NBAS: variants seen among roughly 807,000 people sequenced by gnomAD.
NBAS encodes NBAS subunit of NRZ tethering complex.
In NBAS, 219 loss-of-function variants were observed where a neutral mutation model predicts 302.5. The ratio of observed to expected loss-of-function variants is 0.72; its 90% CI spans 0.65 to 0.81. The LOEUF is 0.81. Ranked by LOEUF, NBAS falls within the 30% of genes least tolerant of loss-of-function variation. The probability of loss-of-function intolerance (pLI) is 0.00; values close to 1 mark genes in which losing one functional copy is unlikely to be tolerated. For synonymous variants in NBAS, 1,118 were observed against 1,021.6 expected (o/e 1.09, Z -1.80); for missense variants, 2,932 against 2,841.6 (o/e 1.03, Z -0.72).
intron 8 of NBAS, among the ~76,000 whole-genome samples, chr2:15,535,523 G>A (rs376695619): frequency 1.0e-5 from 1 of 99,754 alleles, no homozygotes; most frequent in South Asian, 3.2e-4. Context: ...CTCCGTCTCA[G>A]AAATAAATAA....
At chr2:15,116,016 T>A in the NBAS span, among the ~76,000 whole-genome samples, 43,893 of 152,036 alleles carry the variant, frequency 0.29, 6,540 homozygotes, top group South Asian at 0.39. Context: ...ACATCATATA[T>A]CTGCAGAAAA....
At chr2:15,025,321 T>G in the NBAS span, among the ~76,000 whole-genome samples, 1 of 152,226 alleles carries the variant, frequency 6.6e-6, no homozygotes, top group African/African-American at 2.4e-5. Flanking sequence ...TCCATTGGTC[T>G]ATGTGTCTGT....
the NBAS span, among the ~76,000 whole-genome samples, chr2:15,096,745 G>A: frequency 4.6e-5 from 7 of 152,264 alleles, no homozygotes; most frequent in East Asian, 3.9e-4. Context: ...TGTGGCTTAC[G>A]CTGAGGGTTT....
At chr2:15,392,034 TA>T (rs1675633595) in intron 28 of NBAS, among the ~76,000 whole-genome samples, 1 of 149,172 alleles carries the variant, frequency 6.7e-6, no homozygotes, top group Admixed American at 6.7e-5. Flanking sequence ...AAAAAAAAAT[TA>T]AAAGAAGCCT....
intron 47 of NBAS, among the ~76,000 whole-genome samples, chr2:15,224,923 C>T (rs1011895117): frequency 5.3e-5 from 8 of 152,218 alleles, no homozygotes; most frequent in Non-Finnish European, 1.0e-4. Flanking sequence ...TATTTATCAG[C>T]TCCCATGAAA....
chr2:15,183,056 A>C (rs1303232283), intron 50 of NBAS, among the ~76,000 whole-genome samples: 3 of 152,156 alleles, frequency 2.0e-5, no homozygotes, highest in Non-Finnish European at 4.4e-5. Context: ...AGGAAAAAAA[A>C]AATCATAAGT....
intron 46 of NBAS, among the ~76,000 whole-genome samples, chr2:15,233,884 A>G (rs1029056952): frequency 6.6e-6 from 1 of 152,232 alleles, no homozygotes; most frequent in African/African-American, 2.4e-5. Flanking sequence ...TAAAAGGAGA[A>G]TAAATTAAAC....
chr2:15,097,931 T>A, the NBAS span, among the ~76,000 whole-genome samples: 1 of 104,726 alleles, frequency 9.5e-6, no homozygotes, highest in Non-Finnish European at 1.8e-5. Context: ...ATTATATATA[T>A]TACATATATA....
the NBAS span, among the ~76,000 whole-genome samples, chr2:15,155,556 G>A: frequency 6.6e-6 from 1 of 152,232 alleles, no homozygotes; most frequent in East Asian, 1.9e-4. Context: ...GGGAGCTTGG[G>A]TCATCTCCTC....
intron 44 of NBAS, among the ~76,000 whole-genome samples, chr2:15,244,118 C>A (rs982369820): frequency 1.3e-5 from 2 of 152,044 alleles, no homozygotes; most frequent in Non-Finnish European, 2.9e-5. Flanking sequence ...ATATACAGAA[C>A]AATATTTCAA....
chr2:15,209,983 T>C (rs1666333347), intron 48 of NBAS, among the ~76,000 whole-genome samples: 1 of 152,076 alleles, frequency 6.6e-6, no homozygotes, highest in South Asian at 2.1e-4. Flanking sequence ...TCAAAATGGA[T>C]TAAAGACTTA....
chr2:15,445,212 T>G (rs1678663124), intron 21 of NBAS, among the ~76,000 whole-genome samples: 1 of 150,420 alleles, frequency 6.6e-6, no homozygotes, highest in Non-Finnish European at 1.5e-5. Flanking sequence ...ACATGTATGT[T>G]TATTGCGGCA....
In NBAS at chr2:15,498,744, G is replaced by A. The variant is rs556856315; in HGVS notation, c.954+5401C>T. 1.1e-4 allele frequency among the ~76,000 whole-genome samples: 17 copies of A among 150,700 alleles called. No individual in the cohort carries two copies. In the East Asian group the frequency reaches 2.5e-3, roughly 22 times the overall value. On this transcript the variant is annotated intron_variant, in intron 11 of 51. Coordinates refer to ENST00000281513, the MANE Select transcript of NBAS (RefSeq NM_015909.4). The stretch of plus-strand genomic sequence containing the variant: ...TTAAGTGTGTGGCACTTCCCCATTC[G>A]TGCTCGCTCTCTCTCTCTCTCTCTC...
At chr2:15,055,576 C>A in the NBAS span, among the ~76,000 whole-genome samples, 1 of 152,102 alleles carries the variant, frequency 6.6e-6, no homozygotes, top group Non-Finnish European at 1.5e-5. Flanking sequence ...GGAAAGCATC[C>A]ACACAGACAG....
At chr2:15,035,229 G>A in the NBAS span, among the ~76,000 whole-genome samples, 29 of 151,944 alleles carry the variant, frequency 1.9e-4, no homozygotes, top group East Asian at 5.4e-3. Context: ...ACTGAGAAGT[G>A]GGATTGCTGG....
At position 15,224,123 on chromosome 2, in the gene NBAS, A is replaced by T. The variant is rs115843147; in HGVS notation, c.6237-5155T>A. Among the ~76,000 whole-genome samples the T allele has an allele frequency of 3.3e-3, 506 of 152,326 alleles. 3 individuals are homozygous for T. The highest frequency in any genetic ancestry group is 0.011 in the African/African-American group (467 of 41,560). On this transcript the variant is annotated intron_variant, in intron 47 of 51. Coordinates refer to ENST00000281513, the MANE Select transcript of NBAS (RefSeq NM_015909.4). ...GACAACAAAACATGTCCATTGAATG[A>T]CTAATTTGAGACTGTGTTACTCTGA... is the stretch of plus-strand genomic sequence containing the variant.
rs867671105 is a variant in NBAS, at chr2:15,444,947, A to G, written c.2339+16254T>C. On this transcript the variant is annotated intron_variant, in intron 21 of 51. Transcript: ENST00000281513. ...CATCAGAGAAATGCAAATCAAAACC[A>G]CAATGAGATACCATCTCACACCAGT... Among the ~76,000 whole-genome samples the G allele has an allele frequency of 4.1e-3, 621 of 149,972 alleles. 5 individuals carry two copies. Among genetic ancestry groups the G allele is most frequent in the African/African-American group, 0.014 (572 of 40,870 alleles).
chr2:15,140,132 G>A, the NBAS span, among the ~76,000 whole-genome samples: 1 of 152,344 alleles, frequency 6.6e-6, no homozygotes, highest in African/African-American at 2.4e-5. Context: ...TAGCCACATA[G>A]AGAGGCCACG....
At position 15,328,332 on chromosome 2, in the gene NBAS, A is replaced by T. The variant is rs1306091966; in HGVS notation, c.4348-20T>A. ...TTGCCCCTAAAAAGAAAAAAAGTAC[A>T]GAACAATGGATAAAAAGAAAGAGAA... On this transcript the variant is annotated intron_variant, in intron 36 of 51. Transcript: ENST00000281513. The T allele has an allele frequency of 6.3e-7, 1 of 1,578,880 alleles. No homozygotes were observed. The highest frequency in any genetic ancestry group is 8.7e-7 in the Non-Finnish European group (1 of 1,148,292).
Sources: allele counts gnomAD v4.1 joint callset (sites outside exome capture counted in the v4.1 genomes callset), GRCh38; gene constraint gnomAD v4.1.1; transcripts MANE v1.5; gene names NCBI Gene and HGNC (gene_info 2026-07-23, HGNC 2026-07-21).